The following RGS5 variants were observed in gnomAD, a reference collection of about 807,000 sequenced individuals.
RGS5 encodes regulator of G protein signaling 5.
In RGS5, 20 loss-of-function variants were observed where a neutral mutation model predicts 18.9. The observed-to-expected ratio is 1.06, with a 90% CI of 0.74 to 1.54. The LOEUF is 1.54. RGS5 is among the 40% of genes most tolerant of loss of function. The pLI, the probability that RGS5 is intolerant of heterozygous loss-of-function variation, is 0.00. For missense variants in RGS5, 201 were observed against 211.8 expected (o/e 0.95, Z 0.32); for synonymous variants, 57 against 76.2 (o/e 0.75, Z 1.31).
rs181792801 is a variant in RGS5 at position 163,224,025 on chromosome 1, G to A, written c.-280-55657C>T. Among the ~76,000 whole-genome samples the A allele has an allele frequency of 2.0e-3, 301 of 152,238 alleles. 3 individuals are homozygous for A. Among genetic ancestry groups the A allele is most frequent in the African/African-American group, 6.9e-3 (287 of 41,542 alleles). ...ATGATCAAATCATGGTAATTAGCAT[G>A]TCCATCACCTCAAACATTTGTCATT... On this transcript the variant is annotated intron_variant, in intron 2 of 5. Coordinates refer to the RGS5 transcript ENST00000618415.
chr1:163,201,393 C>T (rs1326061658), intron 1 of RGS5, among the ~76,000 whole-genome samples: 1 of 151,962 alleles, frequency 6.6e-6, no homozygotes, highest in Non-Finnish European at 1.5e-5. Context: ...TATCCTCTTC[C>T]CCAGGGTTGG....
At position 163,290,671 on chromosome 1, in the gene RGS5, T is replaced by A. The variant is rs201800827; in HGVS notation, c.-281+15562A>T. On this transcript the variant is annotated intron_variant, in intron 2 of 5. Transcript: ENST00000618415. ...CTCATACCAAAAAAAAAAAAAAAAA[T>A]GAATATTTCAAAGATCTCACACTTT... Among the ~76,000 whole-genome samples, 533 of 143,008 alleles carry A rather than the reference T, an allele frequency of 3.7e-3. 13 individuals are homozygous for A. In the East Asian group the frequency reaches 0.081, roughly 22 times the overall value. The allele number at this position is 143,008 out of a possible 152,430, so 93.8% of individuals were successfully genotyped here. A position where few individuals can be genotyped will look rare whatever the true frequency, so the allele number is the denominator to read the frequency against.
intron 1 of RGS5, among the ~76,000 whole-genome samples, chr1:163,185,849 G>A (rs868445091): frequency 1.4e-4 from 21 of 152,134 alleles, no homozygotes; most frequent in African/African-American, 4.8e-4. Context: ...CTGTGACCCC[G>A]TGACCTCACA....
intron 2 of RGS5, among the ~76,000 whole-genome samples, chr1:163,263,327 C>T (rs969843687): frequency 2.6e-5 from 4 of 152,180 alleles, no homozygotes; most frequent in African/African-American, 2.4e-5. Flanking sequence ...GTTGCTTCTT[C>T]AGATTCTTGA....
chr1:163,267,292 GA>G (rs554180070), intron 2 of RGS5: 11 of 152,252 alleles, frequency 7.2e-5, no homozygotes, highest in African/African-American at 2.4e-4. Flanking sequence ...TGAAAGCCAA[GA>G]AGAGAGTCCT....
chr1:163,210,043 G>A (rs1660066120), intron 1 of RGS5, among the ~76,000 whole-genome samples: 2 of 151,520 alleles, frequency 1.3e-5, no homozygotes, highest in South Asian at 4.2e-4. Context: ...AGGCTGGAGT[G>A]CAGTGGTGCA....
intron 1 of RGS5, chr1:163,319,259 G>C (rs1302388065): frequency 6.6e-6 from 1 of 152,206 alleles, no homozygotes; most frequent in African/African-American, 2.4e-5. Context: ...ACTCAGTCCT[G>C]ATAGGTCTGT....
At chr1:163,291,400 T>C (rs969181418) in intron 2 of RGS5, among the ~76,000 whole-genome samples, 4 of 152,076 alleles carry the variant, frequency 2.6e-5, no homozygotes, top group Non-Finnish European at 5.9e-5. Flanking sequence ...TAAGTGGTAA[T>C]AGTACTTACC....
chr1:163,272,142 T>G (rs1454023215), intron 2 of RGS5, among the ~76,000 whole-genome samples: 1 of 152,000 alleles, frequency 6.6e-6, no homozygotes, highest in African/African-American at 2.4e-5. Flanking sequence ...TGTATGGTGG[T>G]ATCTTGGTGT....
In RGS5 at chr1:163,257,792, CCTACT is replaced by C. The variant is rs528852397; in HGVS notation, c.-281+48436_-281+48440del. Among the ~76,000 whole-genome samples the C allele has an allele frequency of 1.6e-3, 248 of 152,272 alleles. 1 individual carries two copies. Among genetic ancestry groups the C allele is most frequent in the Middle Eastern group, 0.014 (4 of 294 alleles). On this transcript the variant is annotated intron_variant, in intron 2 of 5. Transcript: ENST00000618415. Reference sequence around the variant, plus strand: ...TTTCTTTTTTCCATTCTGTCTCCCACCTACTTCTTTTTCAGGCTATACTTACAATC... The same window carrying C: ...TTTCTTTTTTCCATTCTGTCTCCCACTCTTTTTCAGGCTATACTTACAATC...
At chr1:163,247,739 G>A (rs541293895) in intron 2 of RGS5, among the ~76,000 whole-genome samples, 228 of 152,092 alleles carry the variant, frequency 1.5e-3, no homozygotes, top group African/African-American at 5.2e-3. Flanking sequence ...CCCCCTCAGT[G>A]ATTTTGTTGT....
rs147900609 is a variant in RGS5, at chr1:163,181,023, C to T, written c.45-12655G>A. 5.3e-5 allele frequency among the ~76,000 whole-genome samples: 8 copies of T among 152,176 alleles called. No homozygotes were observed. In the East Asian group the frequency reaches 1.6e-3, roughly 29 times the overall value. Reference sequence around the variant, plus strand: ...GTTCTTATCCCTAGCAACCGCTGATCTGTTCTCCATCCTTATAGTTTTGTT... The same window carrying T: ...GTTCTTATCCCTAGCAACCGCTGATTTGTTCTCCATCCTTATAGTTTTGTT... On this transcript the variant is annotated intron_variant, in intron 1 of 4. Coordinates refer to ENST00000313961, the MANE Select transcript of RGS5 (RefSeq NM_003617.4).
chr1:163,253,941 A>G (rs1050782693), intron 2 of RGS5, among the ~76,000 whole-genome samples: 3 of 151,830 alleles, frequency 2.0e-5, no homozygotes, highest in Admixed American at 1.3e-4. Context: ...GAGAATGATG[A>G]TTTCCAATTT....
chr1:163,290,050 C>A (rs1649241162), intron 2 of RGS5, among the ~76,000 whole-genome samples: 1 of 150,910 alleles, frequency 6.6e-6, no homozygotes, highest in African/African-American at 2.4e-5. Context: ...AACATGAGAC[C>A]CCTATCTTTA....
chr1:163,275,248 A>C (rs1648823591), intron 2 of RGS5, among the ~76,000 whole-genome samples: 1 of 152,174 alleles, frequency 6.6e-6, no homozygotes, highest in African/African-American at 2.4e-5. Flanking sequence ...GCTTGAGCCC[A>C]TTCCAGTCCC....
At chr1:163,250,535 C>T (rs769434635) in intron 2 of RGS5, among the ~76,000 whole-genome samples, 1 of 152,134 alleles carries the variant, frequency 6.6e-6, no homozygotes, top group Non-Finnish European at 1.5e-5. Flanking sequence ...TAAAGAAAAG[C>T]TACTACAGTC....
chr1:163,168,585 C>T (rs967251669), intron 1 of RGS5, among the ~76,000 whole-genome samples: 1 of 152,162 alleles, frequency 6.6e-6, no homozygotes, highest in East Asian at 1.9e-4. Context: ...TTAATTTGCA[C>T]TACATTTTAA....
intron 3 of RGS5, among the ~76,000 whole-genome samples, chr1:163,157,327 T>C (rs541594124): frequency 6.6e-6 from 1 of 152,198 alleles, no homozygotes; most frequent in African/African-American, 2.4e-5. Context: ...AACGTGCCTA[T>C]GAAATGAAAA....
intron 2 of RGS5, among the ~76,000 whole-genome samples, chr1:163,298,482 T>G: frequency 6.6e-6 from 1 of 151,244 alleles, no homozygotes. Context: ...AAGAAAGGAG[T>G]AGGGGTTGGT....
Sources: allele counts gnomAD v4.1 joint callset (sites outside exome capture counted in the v4.1 genomes callset), GRCh38; gene constraint gnomAD v4.1.1; transcripts MANE v1.5; gene names NCBI Gene and HGNC (gene_info 2026-07-23, HGNC 2026-07-21).